HDAC9: variants seen among roughly 807,000 people sequenced by gnomAD.
HDAC9 encodes the protein histone deacetylase 9, also known as MEF-2 interacting transcription repressor (MITR) protein.
HDAC9 carries 41 observed loss-of-function variants against 139.4 expected under a neutral mutation model. The ratio of observed to expected loss-of-function variants is 0.29; its 90% confidence interval spans 0.23 to 0.38. HDAC9 has a LOEUF of 0.38. Ranked by LOEUF, HDAC9 falls within the 10% of genes least tolerant of loss-of-function variation. The pLI, the probability that HDAC9 is intolerant of heterozygous loss-of-function variation, is 1.00. For missense variants in HDAC9, 1,147 were observed against 1,297.0 expected (o/e 0.88, Z 1.78); for synonymous variants, 517 against 476.2 (o/e 1.09, Z -1.12).
At chr7:18,581,023 G>T (rs1048954284) in intron 2 of HDAC9, among the ~76,000 whole-genome samples, 1 of 152,078 alleles carries the variant, frequency 6.6e-6, no homozygotes, top group African/African-American at 2.4e-5. Context: ...AGAAAGAATG[G>T]CTATGATATG....
chr7:18,700,886 T>C (rs1171368112), intron 12 of HDAC9, among the ~76,000 whole-genome samples: 2 of 152,112 alleles, frequency 1.3e-5, no homozygotes, highest in Non-Finnish European at 2.9e-5. Context: ...CCTGCTATTA[T>C]CTCATTGGTC....
chr7:18,869,732 T>C (rs1585190424), intron 21 of HDAC9, among the ~76,000 whole-genome samples: 1 of 152,114 alleles, frequency 6.6e-6, no homozygotes, highest in Non-Finnish European at 1.5e-5. Flanking sequence ...ATCTTCTGTA[T>C]TGAAGATTAT....
intron 24 of HDAC9, among the ~76,000 whole-genome samples, chr7:18,968,958 CAAAAAAAAAAA>C (rs34379636): frequency 0.037 from 1,669 of 45,260 alleles, 47 homozygotes; most frequent in Admixed American, 0.058. Flanking sequence ...GCCTCCCTCT[CAAAAAAAAAAA>C]AAAAAAAAAA....
At chr7:18,518,496 G>A (rs899447473) in intron 2 of HDAC9, among the ~76,000 whole-genome samples, 1 of 152,118 alleles carries the variant, frequency 6.6e-6, no homozygotes. Context: ...GATTATTTGG[G>A]TCTTCAGCCC....
chr7:18,314,680 C>T (rs888922822), intron 1 of HDAC9, among the ~76,000 whole-genome samples: 1 of 152,054 alleles, frequency 6.6e-6, no homozygotes, highest in African/African-American at 2.4e-5. Context: ...AGATTTTATT[C>T]TAGCTCCGTG....
At chr7:18,311,260 C>T (rs963851201) in intron 1 of HDAC9, among the ~76,000 whole-genome samples, 1 of 151,804 alleles carries the variant, frequency 6.6e-6, no homozygotes, top group African/African-American at 2.4e-5. Context: ...AGCCTTTAAC[C>T]TTTTGAACAT....
intron 6 of HDAC9, among the ~76,000 whole-genome samples, chr7:18,598,549 C>T (rs1833080507): frequency 6.6e-6 from 1 of 152,110 alleles, no homozygotes; most frequent in African/African-American, 2.4e-5. Flanking sequence ...ATAATAATTG[C>T]ACTTGGTTTG....
At chr7:18,642,369 C>G (rs2285437) in intron 8 of HDAC9, among the ~76,000 whole-genome samples, 17,537 of 152,124 alleles carry the variant, frequency 0.12, 1,406 homozygotes, top group East Asian at 0.38. Context: ...CCCTACTTTT[C>G]TGTGGTTCCC....
At chr7:18,168,574 G>A (rs982022481) in intron 2 of HDAC9, among the ~76,000 whole-genome samples, 7 of 152,046 alleles carry the variant, frequency 4.6e-5, no homozygotes, top group African/African-American at 1.2e-4. Context: ...GTGTGTCTGT[G>A]TGTGTGTGTG....
At chr7:18,947,940 C>T (rs953344387) in intron 23 of HDAC9, among the ~76,000 whole-genome samples, 2 of 151,874 alleles carry the variant, frequency 1.3e-5, no homozygotes, top group African/African-American at 2.4e-5. Context: ...ACTTTCCAAA[C>T]TAATTCATTA....
At chr7:18,436,958 G>A (rs1422937900) in intron 1 of HDAC9, among the ~76,000 whole-genome samples, 2 of 152,174 alleles carry the variant, frequency 1.3e-5, no homozygotes, top group Non-Finnish European at 2.9e-5. Flanking sequence ...ATTCTCTTTA[G>A]GATGAAGGTC....
intron 2 of HDAC9, among the ~76,000 whole-genome samples, chr7:18,256,324 A>G (rs1795242449): frequency 6.6e-6 from 1 of 152,222 alleles, no homozygotes; most frequent in Non-Finnish European, 1.5e-5. Flanking sequence ...ATAATACTGC[A>G]TAACATTTGG....
chr7:18,208,804 G>A (rs1791732549), intron 2 of HDAC9, among the ~76,000 whole-genome samples: 1 of 152,120 alleles, frequency 6.6e-6, no homozygotes, highest in Non-Finnish European at 1.5e-5. Flanking sequence ...ATTAGCATGA[G>A]GAAAATGAAA....
chr7:18,471,272 G>C (rs1339198872), intron 1 of HDAC9, among the ~76,000 whole-genome samples: 1 of 152,018 alleles, frequency 6.6e-6, no homozygotes, highest in Non-Finnish European at 1.5e-5. Context: ...CTTCACTCTC[G>C]GCATACAGTG....
Position 18,467,334 on chromosome 7 carries a change from C to G in HDAC9, c.-41-28928C>G, listed in dbSNP as rs182468735. On this transcript the variant is annotated intron_variant, in intron 1 of 3. Coordinates refer to the HDAC9 transcript ENST00000413509. ...CCTATTAATGCTTCCTATCAACTATCCTTTGAATGTTTCCAGTTTATCTCA... is the reference window on the plus strand; with the variant it reads ...CCTATTAATGCTTCCTATCAACTATGCTTTGAATGTTTCCAGTTTATCTCA... Among the ~76,000 whole-genome samples the G allele has an allele frequency of 3.2e-3, 481 of 152,278 alleles. 5 individuals carry two copies. Among genetic ancestry groups the G allele is most frequent in the African/African-American group, 0.011 (449 of 41,558 alleles).
intron 2 of HDAC9, among the ~76,000 whole-genome samples, chr7:18,204,923 C>T (rs973325521): frequency 5.3e-5 from 8 of 151,734 alleles, no homozygotes; most frequent in Non-Finnish European, 5.9e-5. Context: ...CTTTTATTGA[C>T]TCTAGGTTTA....
intron 2 of HDAC9, among the ~76,000 whole-genome samples, chr7:18,547,776 T>C (rs970955006): frequency 9.2e-5 from 14 of 151,362 alleles, no homozygotes; most frequent in Non-Finnish European, 1.5e-4. Context: ...CACAGCATCT[T>C]CACCAGGAGT....
intron 22 of HDAC9, among the ~76,000 whole-genome samples, chr7:18,895,610 C>T (rs1461599988): frequency 1.3e-5 from 2 of 152,066 alleles, no homozygotes; most frequent in African/African-American, 4.8e-5. Flanking sequence ...TGTACTCCTC[C>T]TTTGAATATG....
intron 2 of HDAC9, among the ~76,000 whole-genome samples, chr7:18,220,643 G>A (rs1409886987): frequency 6.6e-6 from 1 of 152,206 alleles, no homozygotes; most frequent in African/African-American, 2.4e-5. Context: ...TAGAGAATCT[G>A]TGTTTGGGAT....
Sources: allele counts gnomAD v4.1 joint callset (sites outside exome capture counted in the v4.1 genomes callset), GRCh38; gene constraint gnomAD v4.1.1; transcripts MANE v1.5; gene names NCBI Gene and HGNC (gene_info 2026-07-23, HGNC 2026-07-21).